CTNNA2: variants seen among roughly 807,000 people sequenced by gnomAD.
CTNNA2 encodes the protein catenin alpha 2.
Under a neutral mutation model 101.0 loss-of-function variants are expected in CTNNA2, and 42 were observed. That is an observed-to-expected ratio of 0.42 (90% confidence interval 0.32 to 0.54). The LOEUF is 0.54. CTNNA2 is among the 20% of genes least tolerant of loss of function. The pLI, the probability that CTNNA2 is intolerant of heterozygous loss-of-function variation, is 0.14. For missense variants in CTNNA2, 871 were observed against 1,223.1 expected, an observed-to-expected ratio of 0.71 and a Z score of 4.29; for synonymous variants, 450 against 456.4, an observed-to-expected ratio of 0.99 and a Z score of 0.18.
At chr2:79,629,098 C>T (rs570397773) in intron 1 of CTNNA2, among the ~76,000 whole-genome samples, 46 of 152,296 alleles carry the variant, frequency 3.0e-4, no homozygotes, top group African/African-American at 1.1e-3. Context: ...TCCGTCCCTT[C>T]CCCTTATTGC....
intron 7 of CTNNA2, among the ~76,000 whole-genome samples, chr2:80,121,377 GT>G (rs1701822082): frequency 6.6e-6 from 1 of 152,098 alleles, no homozygotes; most frequent in Non-Finnish European, 1.5e-5. Context: ...TCTCCAGCTG[GT>G]TTTTGAAGAG....
intron 2 of CTNNA2, among the ~76,000 whole-genome samples, chr2:79,711,395 G>T (rs1415747947): frequency 6.6e-6 from 1 of 152,094 alleles, no homozygotes; most frequent in African/African-American, 2.4e-5. Context: ...CTGATTAATA[G>T]CTTTTGAACT....
At chr2:79,686,879 A>G (rs1363696453) in intron 2 of CTNNA2, among the ~76,000 whole-genome samples, 3 of 152,094 alleles carry the variant, frequency 2.0e-5, no homozygotes, top group Non-Finnish European at 4.4e-5. Context: ...CTTATGAATG[A>G]ACTAGGGAAA....
At chr2:79,455,441 C>T (rs1036897732) in intron 4 of CTNNA2, among the ~76,000 whole-genome samples, 5 of 152,050 alleles carry the variant, frequency 3.3e-5, no homozygotes, top group East Asian at 1.9e-4. Flanking sequence ...CCAAAGGTCT[C>T]GGTCCCTGTC....
At chr2:79,392,667 T>G (rs919876225) in intron 4 of CTNNA2, among the ~76,000 whole-genome samples, 3 of 152,168 alleles carry the variant, frequency 2.0e-5, no homozygotes, top group Non-Finnish European at 4.4e-5. Flanking sequence ...AGACTCTGCT[T>G]TCTCAGGTTA....
intron 3 of CTNNA2, among the ~76,000 whole-genome samples, chr2:79,849,877 T>C (rs983060019): frequency 1.3e-5 from 2 of 152,198 alleles, no homozygotes; most frequent in African/African-American, 4.8e-5. Flanking sequence ...TGGTTCAAAA[T>C]GTAAAGTGCC....
intron 8 of CTNNA2, among the ~76,000 whole-genome samples, chr2:80,401,533 C>A (rs535319547): frequency 6.6e-6 from 1 of 152,080 alleles, no homozygotes; most frequent in African/African-American, 2.4e-5. Flanking sequence ...CTTCATGTAC[C>A]TCTGGTGGCA....
intron 4 of CTNNA2, among the ~76,000 whole-genome samples, chr2:79,462,966 C>T (rs757189844): frequency 7.2e-5 from 11 of 152,210 alleles, no homozygotes; most frequent in Non-Finnish European, 1.0e-4. Flanking sequence ...CCAGGTATCA[C>T]ATCATTTTAA....
intron 7 of CTNNA2, among the ~76,000 whole-genome samples, chr2:80,028,539 C>T (rs1001887420): frequency 6.6e-6 from 1 of 152,124 alleles, no homozygotes; most frequent in Non-Finnish European, 1.5e-5. Context: ...CTAGGAGAGG[C>T]CGAATAATGG....
chr2:79,317,173 C>T (rs1038179371), intron 3 of CTNNA2, among the ~76,000 whole-genome samples: 1 of 151,954 alleles, frequency 6.6e-6, no homozygotes, highest in Non-Finnish European at 1.5e-5. Flanking sequence ...ATTTATGTGG[C>T]TATTGTTCTT....
chr2:80,490,297 G>T (rs1410527971), intron 9 of CTNNA2, among the ~76,000 whole-genome samples: 1 of 86,972 alleles, frequency 1.1e-5, no homozygotes, highest in East Asian at 3.8e-4. Context: ...CCCCGGTAAA[G>T]CACCAGATAG....
intron 10 of CTNNA2, among the ~76,000 whole-genome samples, chr2:80,545,617 G>A (rs112220099): frequency 1.1e-4 from 16 of 152,288 alleles, no homozygotes; most frequent in African/African-American, 3.8e-4. Context: ...TGCACATGTG[G>A]AAAGCAAGAG....
At chr2:79,519,684 A>C (rs1253747440) in intron 1 of CTNNA2, among the ~76,000 whole-genome samples, 1 of 152,182 alleles carries the variant, frequency 6.6e-6, no homozygotes, top group Admixed American at 6.5e-5. Context: ...GGAAAAAAAA[A>C]CTTCACCTTC....
chr2:79,398,857 A>T (rs1275248267), intron 4 of CTNNA2, among the ~76,000 whole-genome samples: 1 of 150,854 alleles, frequency 6.6e-6, no homozygotes, highest in Non-Finnish European at 1.5e-5. Context: ...GTTAAAAAAA[A>T]AAAAAGAAAA....
At chr2:80,444,538 G>T (rs1461752834) in intron 9 of CTNNA2, among the ~76,000 whole-genome samples, 1 of 152,140 alleles carries the variant, frequency 6.6e-6, no homozygotes, top group African/African-American at 2.4e-5. Flanking sequence ...ATTGTGGGAT[G>T]TTGATAGGGC....
rs138128385 is a variant in CTNNA2 at position 80,135,798 on chromosome 2, C to T, written c.1056+226001C>T. 3.0e-3 allele frequency among the ~76,000 whole-genome samples: 457 copies of T among 152,238 alleles called. 4 individuals are homozygous for T. Among genetic ancestry groups the T allele is most frequent in the African/African-American group, 0.01 (426 of 41,558 alleles). ...CTTGGCTCCCTGAAAGAGTTATATC[C>T]TTGGCCTGCCTTGAGGTCAAATGCT... On this transcript the variant is annotated intron_variant, in intron 7 of 18. Coordinates refer to ENST00000402739, the MANE Select transcript of CTNNA2 (RefSeq NM_001282597.3).
At chr2:79,224,104 C>T (rs942275766) in intron 2 of CTNNA2, among the ~76,000 whole-genome samples, 3 of 152,220 alleles carry the variant, frequency 2.0e-5, no homozygotes, top group Non-Finnish European at 4.4e-5. Flanking sequence ...CTATCAATTT[C>T]TTTTCAAATT....
chr2:80,103,292 T>A (rs982934643), intron 7 of CTNNA2, among the ~76,000 whole-genome samples: 3 of 152,208 alleles, frequency 2.0e-5, no homozygotes, highest in Non-Finnish European at 4.4e-5. Context: ...ACAGCCATTT[T>A]CTTGCTATGT....
At chr2:79,943,109 C>A (rs13030678) in intron 7 of CTNNA2, among the ~76,000 whole-genome samples, 7,549 of 152,040 alleles carry the variant, frequency 0.05, 280 homozygotes, top group Non-Finnish European at 0.073. Context: ...CCCAGCTACT[C>A]GGTAGGCTGA....
Sources: gnomAD v4.1 joint callset for allele counts (sites outside exome capture counted in the v4.1 genomes callset) on GRCh38, gnomAD v4.1.1 for gene constraint, MANE v1.5 for transcripts, NCBI Gene and HGNC (gene_info 2026-07-23, HGNC 2026-07-21) for gene names.